Variants in SP110 observed in about 807,000 individuals in gnomAD.
The protein encoded by SP110 is SP110 nuclear body protein.
In SP110, 62 loss-of-function variants were observed where a neutral mutation model predicts 92.7. The observed-to-expected ratio is 0.67, with a 90% CI of 0.55 to 0.83. The LOEUF (loss-of-function observed/expected upper bound fraction) is 0.83, where lower values mean the gene tolerates loss of function less well. SP110 is among the 40% of genes least tolerant of loss of function. The probability of loss-of-function intolerance (pLI) is 0.00; values close to 1 mark genes in which losing one functional copy is unlikely to be tolerated. For synonymous variants in SP110, 273 were observed against 305.3 expected, an observed-to-expected ratio of 0.89 and a Z score of 1.10; for missense variants, 793 against 863.9, an observed-to-expected ratio of 0.92 and a Z score of 1.03.
intron 10 of SP110, among the ~76,000 whole-genome samples, chr2:230,191,290 C>A (rs2042620170): frequency 6.6e-6 from 1 of 151,516 alleles, no homozygotes; most frequent in African/African-American, 2.4e-5. Flanking sequence ...TAAGTAAGAT[C>A]AGAGAAAAAT....
chr2:230,208,825 CT>C lies in SP110; in HGVS notation c.830-767del, dbSNP rs543029490. On this transcript the variant is annotated intron_variant, in intron 7 of 18. Transcript: ENST00000258381. ...AGTAGGTAAGTAGGGTCTTCCAAGA[CT>C]TGCCAGAGAGTTCTAGGAAAAGGCA... is the stretch of plus-strand genomic sequence containing the variant. 2.3e-3 allele frequency among the ~76,000 whole-genome samples: 350 copies of C among 152,312 alleles called. 3 individuals carry two copies. Among genetic ancestry groups the C allele is most frequent in the South Asian group, 8.3e-3 (40 of 4,826 alleles).
In SP110 at chr2:230,172,240, T is replaced by G. The variant is rs1301835702; in HGVS notation, c.1707-66A>C. ...TGGAAATGGCCACCATTCCTGTGGC[T>G]GCCACTGTCTTCCCTCAGGAAGGAT... On this transcript the variant is annotated intron_variant, in intron 15 of 18. Transcript: ENST00000258381. 4 of 986,728 alleles carry G rather than the reference T, an allele frequency of 4.1e-6. No individual in the cohort carries two copies. In the African/African-American group the frequency reaches 6.3e-5, roughly 16 times the overall value. The allele number at this position is 986,728 out of a possible 1,614,324, so 61.1% of individuals were successfully genotyped here. A position where few individuals can be genotyped will look rare whatever the true frequency, so the allele number is the denominator to read the frequency against.
At chr2:230,208,341 G>A (rs1228750006) in intron 7 of SP110, among the ~76,000 whole-genome samples, 1 of 152,194 alleles carries the variant, frequency 6.6e-6, no homozygotes, top group Non-Finnish European at 1.5e-5. Context: ...GAAGTGAGAT[G>A]AGAATCAAGA....
intron 10 of SP110, among the ~76,000 whole-genome samples, chr2:230,191,947 C>T (rs372707294): frequency 2.0e-5 from 3 of 152,130 alleles, no homozygotes; most frequent in Non-Finnish European, 4.4e-5. Context: ...ATGATCAAGT[C>T]GGTTTCATCT....
intron 10 of SP110, among the ~76,000 whole-genome samples, chr2:230,197,457 G>A (rs1213403341): frequency 1.3e-5 from 2 of 150,668 alleles, no homozygotes; most frequent in Non-Finnish European, 3.0e-5. Flanking sequence ...TTTGTCAGAT[G>A]AGTAGGTTGC....
intron 3 of SP110, among the ~76,000 whole-genome samples, 167 bp downstream of exon 3, chr2:230,214,783 T>TG (rs1365075243): frequency 6.6e-6 from 1 of 152,212 alleles, no homozygotes; most frequent in Non-Finnish European, 1.5e-5. Flanking sequence ...GGGATCAGCT[T>TG]TAGCAAGGGG....
chr2:230,222,501 T>G (rs1481798311), upstream of SP110, among the ~76,000 whole-genome samples: 4 of 152,138 alleles, frequency 2.6e-5, no homozygotes, highest in African/African-American at 9.7e-5. Context: ...GGAGGATCGC[T>G]TGAGCCCAGG....
intron 8 of SP110, among the ~76,000 whole-genome samples, chr2:230,205,665 GGAATAAATGTCT>G (rs1187875060): frequency 1.3e-5 from 2 of 152,094 alleles, no homozygotes; most frequent in African/African-American, 4.8e-5. Flanking sequence ...CATATTTGTT[GGAATAAATGTCT>G]GAATGGTACT....
Position 230,215,029 on chromosome 2 carries a change from A to C in SP110, c.237T>G (p.Ser79=), listed in dbSNP as rs202135641. 1.4e-4 allele frequency: 231 copies of C among 1,613,454 alleles called. No homozygotes were observed. The highest frequency in any genetic ancestry group is 1.8e-4 in the Non-Finnish European group (214 of 1,179,426). The change falls in exon 3 of 19, where the codon TCT becomes TCG. Residue 79 remains serine, a synonymous_variant. Transcript: ENST00000258381. ...LTQLERTFNL[S]LLVTLFSQIN... ...TTTGACTGAACAATGTCACCAGAAG[A>C]GACAGGTTAAAAGTCCTCTCCAGTT... is the stretch of plus-strand genomic sequence containing the variant.
upstream of SP110, among the ~76,000 whole-genome samples, chr2:230,222,008 A>G (rs1391617879): frequency 6.6e-6 from 1 of 152,194 alleles, no homozygotes; most frequent in African/African-American, 2.4e-5. Flanking sequence ...CAGGCAGATC[A>G]CTTGAGGCCA....
chr2:230,217,076 T>G, intron 1 of SP110, 148 bp from the exon 2 acceptor site: 1 of 631,108 alleles, frequency 1.6e-6, no homozygotes, highest in Non-Finnish European at 2.8e-6. Context: ...TGAAACTCTG[T>G]CTCTACTAAA....
At chr2:230,196,802 T>G (rs904728433) in intron 10 of SP110, among the ~76,000 whole-genome samples, 4 of 152,150 alleles carry the variant, frequency 2.6e-5, no homozygotes, top group African/African-American at 9.7e-5. Flanking sequence ...GTTTGGTTTT[T>G]TGTCCTTGCA....
intron 10 of SP110, among the ~76,000 whole-genome samples, chr2:230,195,435 A>G (rs115051364): frequency 7.2e-4 from 109 of 152,228 alleles, no homozygotes; most frequent in African/African-American, 2.5e-3. Flanking sequence ...CCTGGGTCCA[A>G]GTGATTATCG....
chr2:230,168,902 A>C lies in SP110; in HGVS notation c.*222T>G. The C allele has an allele frequency of 2.2e-6, 1 of 459,068 alleles. No homozygotes were observed. 28.4% of individuals were successfully genotyped at this position (459,068 alleles called of 1,614,324 possible). The stretch of plus-strand genomic sequence containing the variant: ...GAACTATGATGGGGTATCTGATGGT[A>C]TTAAGGAAGTATTAATTTTTTTTTT... On this transcript the variant is annotated 3_prime_UTR_variant, in exon 19 of 19. Transcript: ENST00000258381.
rs34906767 is a variant in SP110 at position 230,175,945 on chromosome 2, CT to C, written c.1590+1592del. ...CTTTTGCTTTTCATGCTGCAGCATT[CT>C]TTTTTTTTTTTTTCTGAGACAGGGT... On this transcript the variant is annotated intron_variant, in intron 14 of 18. Coordinates refer to ENST00000258381, the MANE Select transcript of SP110 (RefSeq NM_080424.4). Among the ~76,000 whole-genome samples the C allele has an allele frequency of 4.8e-3, 631 of 130,666 alleles. 14 individuals carry two copies. The highest frequency in any genetic ancestry group is 0.014 in the African/African-American group (488 of 35,808). The allele number at this position is 130,666 out of a possible 152,430, so 85.7% of individuals were successfully genotyped here. A position where few individuals can be genotyped will look rare whatever the true frequency, so the allele number is the denominator to read the frequency against.
At chr2:230,222,909 C>G (rs1394364735), upstream of SP110, among the ~76,000 whole-genome samples, 18 of 148,064 alleles carry the variant, frequency 1.2e-4, no homozygotes, top group African/African-American at 4.5e-4. Flanking sequence ...CTTTCTTTTC[C>G]TCATCATCAT....
Position 230,211,122 on chromosome 2 carries a change from C to T in SP110, c.751+348G>A, listed in dbSNP as rs560723056. Among the ~76,000 whole-genome samples the T allele has an allele frequency of 6.6e-6, 1 of 152,334 alleles. No individual in the cohort carries two copies. Among genetic ancestry groups the T allele is most frequent in the African/African-American group, 2.4e-5 (1 of 41,582 alleles). On this transcript the variant is annotated intron_variant, in intron 6 of 18. Coordinates refer to ENST00000258381, the MANE Select transcript of SP110 (RefSeq NM_080424.4). This position sits in a 1 kb window ranked among gnomAD's most constrained non-coding sequence, Gnocchi z 4.2. Reference sequence around the variant, plus strand: ...GTTCCCTTGCTTTCCCCTGGGGTTCCTGCCACAACCCTTTGTGGCAGGTGA... The same window carrying T: ...GTTCCCTTGCTTTCCCCTGGGGTTCTTGCCACAACCCTTTGTGGCAGGTGA...
chr2:230,182,982 C>A (rs1007436305), intron 12 of SP110, among the ~76,000 whole-genome samples: 1 of 152,186 alleles, frequency 6.6e-6, no homozygotes, highest in African/African-American at 2.4e-5. Context: ...GGGACCCCAC[C>A]TTGGGTAGCA....
rs570797942 is a variant in SP110, at chr2:230,177,798, G to A, written c.1448-118C>T. The A allele has an allele frequency of 5.8e-5, 68 of 1,163,274 alleles. No homozygotes were observed. The African/African-American group carries it at 9.6e-4, about 16-fold the overall frequency. 72.1% of individuals were successfully genotyped at this position (1,163,274 alleles called of 1,614,324 possible). A position where few individuals can be genotyped will look rare whatever the true frequency, so the allele number is the denominator to read the frequency against. On this transcript the variant is annotated intron_variant, in intron 13 of 18. Transcript: ENST00000258381. ...GGTCAAGAGAGACTTCCTCTGTGAG[G>A]TGGAAGGAGTAGCAGGGGAGTCTGC...
Sources: gnomAD v4.1 joint callset for allele counts (sites outside exome capture counted in the v4.1 genomes callset) on GRCh38, gnomAD v4.1.1 for gene constraint, Gnocchi (gnomAD v3.1) non-coding constraint, MANE v1.5 for transcripts, NCBI Gene and HGNC (gene_info 2026-07-23, HGNC 2026-07-21) for gene names.